TENM2: variants seen among roughly 807,000 people sequenced by gnomAD.
TENM2 encodes teneurin-2.
In TENM2, 52 loss-of-function variants were observed where a neutral mutation model predicts 245.2. The observed-to-expected ratio is 0.21, with a 90% confidence interval of 0.17 to 0.27. The LOEUF is 0.27. TENM2 is among the 10% of genes least tolerant of loss of function. The pLI, the probability that TENM2 is intolerant of heterozygous loss-of-function variation, is 1.00. For synonymous variants in TENM2, 1,363 were observed against 1,438.9 expected (o/e 0.95, Z 1.19); for missense variants, 3,046 against 3,666.8 (o/e 0.83, Z 4.37).
intron 4 of TENM2, among the ~76,000 whole-genome samples, chr5:167,979,249 G>A (rs936175183): frequency 6.6e-6 from 1 of 152,156 alleles, no homozygotes; most frequent in Non-Finnish European, 1.5e-5. Flanking sequence ...TCTCTAGGTG[G>A]AGGGGGATCA....
At chr5:168,149,238 T>G (rs1051586376) in intron 12 of TENM2, among the ~76,000 whole-genome samples, 8 of 152,142 alleles carry the variant, frequency 5.3e-5, no homozygotes, top group Non-Finnish European at 1.2e-4. Flanking sequence ...GTCTCCACTC[T>G]CAGCCATGTC....
intron 3 of TENM2, among the ~76,000 whole-genome samples, chr5:167,886,578 T>C (rs1452761452): frequency 6.6e-6 from 1 of 152,180 alleles, no homozygotes; most frequent in Non-Finnish European, 1.5e-5. Context: ...TTTATAGAAC[T>C]GGAGATAAAT....
chr5:167,189,952 C>A, the TENM2 span, among the ~76,000 whole-genome samples: 1 of 152,028 alleles, frequency 6.6e-6, no homozygotes, highest in Non-Finnish European at 1.5e-5. Flanking sequence ...CTATGAAAGT[C>A]TAAAATTTAA....
intron 2 of TENM2, among the ~76,000 whole-genome samples, chr5:167,740,606 G>C (rs939048973): frequency 1.4e-4 from 22 of 152,078 alleles, no homozygotes; most frequent in Non-Finnish European, 7.4e-5. Context: ...TATCCCGCGT[G>C]CTACCTGATT....
chr5:167,419,751 T>C (rs949315044), intron 2 of TENM2, among the ~76,000 whole-genome samples: 10 of 152,236 alleles, frequency 6.6e-5, no homozygotes, highest in African/African-American at 2.4e-4. Flanking sequence ...ATGCAACTTC[T>C]CTTCAGTAAA....
intron 6 of TENM2, among the ~76,000 whole-genome samples, chr5:168,061,240 G>A (rs574795651): frequency 8.9e-4 from 135 of 152,216 alleles, no homozygotes; most frequent in Admixed American, 1.8e-3. Context: ...TAGAGATAAG[G>A]AAAATGAAGC....
the TENM2 span, among the ~76,000 whole-genome samples, chr5:167,269,306 C>A: frequency 6.6e-6 from 1 of 152,080 alleles, no homozygotes; most frequent in Non-Finnish European, 1.5e-5. Flanking sequence ...TTTAACAAAG[C>A]TTTATTGGGC....
At chr5:167,097,905 T>G in the TENM2 span, among the ~76,000 whole-genome samples, 1 of 152,220 alleles carries the variant, frequency 6.6e-6, no homozygotes, top group African/African-American at 2.4e-5. Context: ...GGGTGACTCC[T>G]TTTTTGCTTT....
intron 2 of TENM2, among the ~76,000 whole-genome samples, chr5:167,454,096 T>C (rs1375508217): frequency 1.3e-5 from 2 of 152,102 alleles, no homozygotes; most frequent in South Asian, 2.1e-4. Flanking sequence ...CATAATCATA[T>C]TATGGGGTCA....
chr5:167,746,963 C>T (rs541262503), intron 2 of TENM2, among the ~76,000 whole-genome samples: 1 of 152,202 alleles, frequency 6.6e-6, no homozygotes, highest in African/African-American at 2.4e-5. Context: ...TAGCATAGTG[C>T]AAAATGGTGT....
At chr5:167,869,200 A>G (rs1010730965) in intron 2 of TENM2, among the ~76,000 whole-genome samples, 9 of 152,228 alleles carry the variant, frequency 5.9e-5, no homozygotes, top group Non-Finnish European at 1.3e-4. Flanking sequence ...TAAGGCAGGT[A>G]TGAAGGAAGA....
chr5:168,068,156 G>A (rs1790671916), intron 7 of TENM2, among the ~76,000 whole-genome samples: 1 of 152,142 alleles, frequency 6.6e-6, no homozygotes, highest in Admixed American at 6.5e-5. Context: ...ACTGAGCAGA[G>A]CAAGGAGAAA....
intron 2 of TENM2, among the ~76,000 whole-genome samples, chr5:167,435,965 CTTTT>C (rs1284748347): frequency 1.6e-5 from 2 of 125,964 alleles, no homozygotes; most frequent in African/African-American, 6.3e-5. Flanking sequence ...ATTTCTTTTT[CTTTT>C]TTTTTCTTTT....
intron 2 of TENM2, among the ~76,000 whole-genome samples, chr5:167,862,309 G>A (rs750592516): frequency 1.3e-5 from 2 of 152,024 alleles, no homozygotes; most frequent in Non-Finnish European, 2.9e-5. Context: ...ACATATAACA[G>A]CAACTTGTTG....
chr5:167,285,949 A>C (rs1459379337), intron 1 of TENM2, among the ~76,000 whole-genome samples: 1 of 152,212 alleles, frequency 6.6e-6, no homozygotes, highest in Non-Finnish European at 1.5e-5. Flanking sequence ...CTTGGGAGTA[A>C]ATGTTGCAAT....
At chr5:167,442,655 C>A (rs1243924390) in intron 2 of TENM2, among the ~76,000 whole-genome samples, 1 of 151,944 alleles carries the variant, frequency 6.6e-6, no homozygotes, top group African/African-American at 2.4e-5. Context: ...GGGAAATTAA[C>A]TTTTCTAATA....
intron 1 of TENM2, among the ~76,000 whole-genome samples, chr5:167,328,520 C>G (rs944988006): frequency 1.3e-5 from 2 of 152,146 alleles, no homozygotes; most frequent in African/African-American, 4.8e-5. Context: ...AGAATTGAAA[C>G]TCTTAAGCCC....
chr5:168,110,856 C>A (rs766608707), intron 9 of TENM2, among the ~76,000 whole-genome samples: 13 of 152,136 alleles, frequency 8.5e-5, no homozygotes, highest in Admixed American at 5.2e-4. Context: ...CGATTGAGAA[C>A]TTTTATAACT....
In TENM2 at chr5:168,247,806, C is replaced by T; in HGVS notation, c.6867C>T (p.Ala2289=). ...ATTCCAAGGGCCTCCTAACAAGAGC[C>T]TACAACAAGGCCAGCGGGTGGAGTG... Residue 2289 remains alanine, a synonymous_variant, in exon 27 of 29, where the codon GCC becomes GCT. Transcript: ENST00000518659. The surrounding 1 kb of genome is among the most constrained non-coding windows in gnomAD (Gnocchi z 7.8). 6.2e-7 allele frequency: 1 copy of T among 1,613,986 alleles called. No homozygotes were observed. Among genetic ancestry groups the T allele is most frequent in the Non-Finnish European group, 8.5e-7 (1 of 1,179,866 alleles).
Sources: allele counts gnomAD v4.1 joint callset (sites outside exome capture counted in the v4.1 genomes callset), GRCh38; gene constraint gnomAD v4.1.1; non-coding constraint Gnocchi (gnomAD v3.1); transcripts MANE v1.5; gene names NCBI Gene and HGNC (gene_info 2026-07-23, HGNC 2026-07-21).